Variants in PDZRN4 observed in about 807,000 individuals in gnomAD.
PDZRN4 encodes the protein PDZ domain containing ring finger 4.
Under a neutral mutation model 99.0 loss-of-function variants are expected in PDZRN4, and 70 were observed. The observed-to-expected ratio is 0.71, with a 90% CI of 0.58 to 0.86. The LOEUF (loss-of-function observed/expected upper bound fraction) is 0.86. Among genes scored for constraint, PDZRN4 ranks in the 40% least tolerant of loss-of-function variants. The pLI is 0.00. For synonymous variants in PDZRN4, 551 were observed against 501.6 expected (o/e 1.10, Z -1.32); for missense variants, 1,474 against 1,331.2 (o/e 1.11, Z -1.67).
chr12:41,398,973 ACT>A (rs1462713252), intron 3 of PDZRN4, among the ~76,000 whole-genome samples: 1 of 152,080 alleles, frequency 6.6e-6, no homozygotes, highest in Non-Finnish European at 1.5e-5. Context: ...TTTGTAAAAC[ACT>A]CTCAGCTGTA....
chr12:41,233,272 A>G (rs1334313565), intron 3 of PDZRN4, among the ~76,000 whole-genome samples: 1 of 152,174 alleles, frequency 6.6e-6, no homozygotes, highest in Non-Finnish European at 1.5e-5. Context: ...GGCGATCATT[A>G]AAAAGTCAGG....
intron 3 of PDZRN4, among the ~76,000 whole-genome samples, chr12:41,237,992 T>C (rs1951078242): frequency 6.6e-6 from 1 of 152,186 alleles, no homozygotes; most frequent in Admixed American, 6.5e-5. Context: ...TAGTTTTTTT[T>C]CTAATTCTGT....
At chr12:41,530,267 TTTA>T (rs1938638958) in intron 5 of PDZRN4, among the ~76,000 whole-genome samples, 2 of 152,238 alleles carry the variant, frequency 1.3e-5, no homozygotes, top group Admixed American at 6.5e-5. Flanking sequence ...GAATTTTATG[TTTA>T]TTATTATCTT....
At chr12:41,240,171 T>C (rs913086104) in intron 3 of PDZRN4, among the ~76,000 whole-genome samples, 1 of 152,204 alleles carries the variant, frequency 6.6e-6, no homozygotes, top group Non-Finnish European at 1.5e-5. Context: ...TTTACATTAA[T>C]TGTAAGCATT....
chr12:41,532,767 G>A lies in PDZRN4; in HGVS notation c.1204-19889G>A, dbSNP rs1325199661. 3.3e-5 allele frequency among the ~76,000 whole-genome samples: 5 copies of A among 152,112 alleles called. No individual in the cohort carries two copies. In the East Asian group the frequency reaches 7.7e-4, roughly 23 times the overall value. On this transcript the variant is annotated intron_variant, in intron 5 of 9. Transcript: ENST00000402685. ...CTCAGCGTTCTCATATATAAAAAGG[G>A]AATATTTATATACCAAACCCTTAGA...
Position 41,335,516 on chromosome 12 carries a change from T to C in PDZRN4, c.843+141328T>C, listed in dbSNP as rs2121003210. On this transcript the variant is annotated intron_variant, in intron 3 of 9. Coordinates refer to ENST00000402685, the MANE Select transcript of PDZRN4 (RefSeq NM_001164595.2). ...ATTGAGTTTTTGAAAAACTAATTAA[T>C]GGTGTCAGACCTGATTTGCTTTGTT... Among the ~76,000 whole-genome samples, 2 of 152,248 alleles carry C rather than the reference T, an allele frequency of 1.3e-5. 1 individual carries two copies.
Position 41,572,425 on chromosome 12 carries a change from A to C in PDZRN4, c.1646A>C (p.His549Pro). 6.2e-7 allele frequency: 1 copy of C among 1,614,118 alleles called. No individual in the cohort carries two copies. Among genetic ancestry groups the C allele is most frequent in the East Asian group, 2.2e-5 (1 of 44,844 alleles). Residue 549 changes from histidine (H) to proline (P), a missense_variant, in exon 10 of 10, where the codon CAT (histidine) becomes CCT (proline). His to Pro is a moderately conservative substitution (Grantham distance 77). Coordinates refer to ENST00000402685, the MANE Select transcript of PDZRN4 (RefSeq NM_001164595.2). ...TDTATSSSNN[H>P]EKDSGVGRTD... is the part of the protein sequence containing the mutation. ...ACTGCAACATCCTCATCCAACAACC[A>C]TGAGAAGGACAGTGGAGTAGGACGT... is the stretch of plus-strand genomic sequence containing the variant.
At chr12:41,346,884 T>C (rs1410118851) in intron 3 of PDZRN4, among the ~76,000 whole-genome samples, 1 of 152,228 alleles carries the variant, frequency 6.6e-6, no homozygotes, top group Admixed American at 6.5e-5. Flanking sequence ...GCATTTCATA[T>C]GAATAGAATC....
chr12:41,404,064 A>G (rs1169588037), intron 3 of PDZRN4, among the ~76,000 whole-genome samples: 1 of 152,202 alleles, frequency 6.6e-6, no homozygotes, highest in African/African-American at 2.4e-5. Flanking sequence ...CCTCCTACAT[A>G]GTTTAAACCA....
intron 3 of PDZRN4, among the ~76,000 whole-genome samples, chr12:41,357,470 A>G (rs1324869680): frequency 6.6e-6 from 1 of 151,980 alleles, no homozygotes; most frequent in Non-Finnish European, 1.5e-5. Context: ...CAATTAAATA[A>G]CTTAGTACCT....
At chr12:41,345,860 A>G (rs1198964559) in intron 3 of PDZRN4, among the ~76,000 whole-genome samples, 1 of 152,112 alleles carries the variant, frequency 6.6e-6, no homozygotes, top group Non-Finnish European at 1.5e-5. Context: ...TGTGTAATAT[A>G]TATTTATTTT....
intron 5 of PDZRN4, among the ~76,000 whole-genome samples, chr12:41,518,143 T>G (rs1938435112): frequency 1.3e-5 from 2 of 152,068 alleles, no homozygotes; most frequent in African/African-American, 4.8e-5. Context: ...GGATTACAGT[T>G]CTCCTTCTCC....
intron 3 of PDZRN4, among the ~76,000 whole-genome samples, chr12:41,340,223 T>C (rs1951806366): frequency 6.6e-6 from 1 of 151,950 alleles, no homozygotes; most frequent in Non-Finnish European, 1.5e-5. Context: ...AGTACATGTA[T>C]AGAATAGAGA....
chr12:41,496,417 C>T (rs1345803735), intron 3 of PDZRN4, among the ~76,000 whole-genome samples: 1 of 152,056 alleles, frequency 6.6e-6, no homozygotes, highest in Non-Finnish European at 1.5e-5. Flanking sequence ...ATATTATTAT[C>T]CCCTTTTCCA....
chr12:41,456,422 C>A lies in PDZRN4; in HGVS notation c.844-50034C>A, dbSNP rs112971174. 6.7e-3 allele frequency among the ~76,000 whole-genome samples: 1,023 copies of A among 152,134 alleles called. 12 individuals carry two copies. Among genetic ancestry groups the A allele is most frequent in the African/African-American group, 0.023 (943 of 41,474 alleles). ...TTAAGTTTTCCAGAAATCCAGTGACCTAAATAAGGCAGGCAAGATGTTTTC... is the reference window on the plus strand; with the variant it reads ...TTAAGTTTTCCAGAAATCCAGTGACATAAATAAGGCAGGCAAGATGTTTTC... On this transcript the variant is annotated intron_variant, in intron 3 of 9. Coordinates refer to ENST00000402685, the MANE Select transcript of PDZRN4 (RefSeq NM_001164595.2).
At chr12:41,473,697 T>C (rs547074815) in intron 3 of PDZRN4, among the ~76,000 whole-genome samples, 1 of 152,310 alleles carries the variant, frequency 6.6e-6, no homozygotes, top group Non-Finnish European at 1.5e-5. Flanking sequence ...ACTAAGCACC[T>C]GTCTCTATCC....
intron 3 of PDZRN4, among the ~76,000 whole-genome samples, chr12:41,488,921 A>G (rs1302883846): frequency 6.6e-6 from 1 of 152,156 alleles, no homozygotes; most frequent in Non-Finnish European, 1.5e-5. Context: ...GGAAGCCTAA[A>G]GTAAATGTTC....
intron 3 of PDZRN4, among the ~76,000 whole-genome samples, chr12:41,369,708 T>C (rs1430615645): frequency 1.3e-5 from 2 of 152,082 alleles, no homozygotes; most frequent in African/African-American, 4.8e-5. Context: ...ATAGAATATA[T>C]TTAATTCAAA....
At chr12:41,435,801 A>G (rs1406264738) in intron 3 of PDZRN4, among the ~76,000 whole-genome samples, 1 of 152,154 alleles carries the variant, frequency 6.6e-6, no homozygotes, top group Non-Finnish European at 1.5e-5. Flanking sequence ...AAAGTAAAAT[A>G]AAATAAAATA....
Sources: allele counts gnomAD v4.1 joint callset (sites outside exome capture counted in the v4.1 genomes callset), GRCh38; gene constraint gnomAD v4.1.1; transcripts MANE v1.5; gene names NCBI Gene and HGNC (gene_info 2026-07-23, HGNC 2026-07-21).